FRMD5: variants seen among roughly 807,000 people sequenced by gnomAD.
FRMD5 encodes FERM domain-containing protein 5.
A neutral mutation model predicts 69.0 loss-of-function variants in FRMD5; 20 were observed. The ratio of observed to expected loss-of-function variants is 0.29; its 90% CI spans 0.20 to 0.42. The LOEUF (loss-of-function observed/expected upper bound fraction) is 0.42. FRMD5 is among the 10% of genes least tolerant of loss of function. The pLI, the probability that FRMD5 is intolerant of heterozygous loss-of-function variation, is 1.00. For synonymous variants in FRMD5, 271 were observed against 260.1 expected (o/e 1.04, Z -0.40); for missense variants, 595 against 708.6 (o/e 0.84, Z 1.82).
intron 1 of FRMD5, among the ~76,000 whole-genome samples, chr15:43,969,729 A>G (rs1470964956): frequency 1.3e-5 from 2 of 152,236 alleles, no homozygotes; most frequent in African/African-American, 4.8e-5. Flanking sequence ...AACCAAATCC[A>G]TAAGACTTGC....
At chr15:44,188,106 T>C (rs1053258956) in intron 1 of FRMD5, among the ~76,000 whole-genome samples, 2 of 152,154 alleles carry the variant, frequency 1.3e-5, no homozygotes, top group Non-Finnish European at 2.9e-5. Context: ...TTTCCCCTAG[T>C]GCGTCAAGTT....
chr15:44,197,098 G>A (rs2078315798), upstream of FRMD5, among the ~76,000 whole-genome samples: 1 of 152,168 alleles, frequency 6.6e-6, no homozygotes, highest in Non-Finnish European at 1.5e-5. Context: ...CTACTGGGGA[G>A]GCTGAGGCAG....
chr15:43,971,395 T>C (rs959140578), intron 1 of FRMD5, among the ~76,000 whole-genome samples: 1 of 152,098 alleles, frequency 6.6e-6, no homozygotes, highest in African/African-American at 2.4e-5. Context: ...TACTATTTTT[T>C]CTTTTGTTCA....
intron 1 of FRMD5, among the ~76,000 whole-genome samples, chr15:43,965,162 T>C (rs571038786): frequency 6.6e-6 from 1 of 152,256 alleles, no homozygotes; most frequent in South Asian, 2.1e-4. Context: ...CAAAAGCAAA[T>C]ACAGAGTACA....
intron 1 of FRMD5, among the ~76,000 whole-genome samples, chr15:44,133,358 C>T (rs2077132218): frequency 1.3e-5 from 2 of 151,896 alleles, no homozygotes; most frequent in African/African-American, 4.8e-5. Context: ...AGGCAGATCA[C>T]AAGGTCAGGA....
intron 1 of FRMD5, among the ~76,000 whole-genome samples, chr15:43,963,817 A>G (rs2090246223): frequency 6.6e-6 from 1 of 152,160 alleles, no homozygotes; most frequent in Admixed American, 6.6e-5. Context: ...CAAAAAACCA[A>G]ACACCAGACG....
At chr15:43,945,889 C>T (rs1294843230) in intron 1 of FRMD5, among the ~76,000 whole-genome samples, 1 of 152,068 alleles carries the variant, frequency 6.6e-6, no homozygotes, top group Non-Finnish European at 1.5e-5. Context: ...AACCCTGTCT[C>T]TACTAAAAAT....
intron 1 of FRMD5, among the ~76,000 whole-genome samples, chr15:43,996,502 C>G (rs1223018013): frequency 1.3e-5 from 2 of 152,142 alleles, no homozygotes; most frequent in Non-Finnish European, 2.9e-5. Context: ...TACCTCATTG[C>G]TGTACTCCCT....
intron 1 of FRMD5, among the ~76,000 whole-genome samples, chr15:44,065,773 G>T (rs1339738991): frequency 1.3e-5 from 2 of 152,064 alleles, no homozygotes; most frequent in South Asian, 4.2e-4. Context: ...AACTTTAAAG[G>T]TCAACTTATA....
chr15:44,075,454 A>G (rs746359447), intron 1 of FRMD5, among the ~76,000 whole-genome samples: 13 of 152,180 alleles, frequency 8.5e-5, no homozygotes, highest in Non-Finnish European at 1.5e-4. Flanking sequence ...CATCATTAAA[A>G]AAAAGTTTCC....
intron 1 of FRMD5, among the ~76,000 whole-genome samples, chr15:44,193,911 TC>T (rs1272941242): frequency 6.6e-6 from 1 of 152,226 alleles, no homozygotes; most frequent in African/African-American, 2.4e-5. Context: ...GCCAGAAGCC[TC>T]CTCCTGTTTT....
chr15:43,923,843 T>C (rs1447301553), intron 2 of FRMD5, among the ~76,000 whole-genome samples: 1 of 152,194 alleles, frequency 6.6e-6, no homozygotes, highest in Non-Finnish European at 1.5e-5. Flanking sequence ...TGGTGAGGCC[T>C]TTCCTAACCA....
At chr15:43,953,468 G>A (rs2090068532) in intron 1 of FRMD5, among the ~76,000 whole-genome samples, 1 of 152,226 alleles carries the variant, frequency 6.6e-6, no homozygotes, top group African/African-American at 2.4e-5. Context: ...GCAATGAGAA[G>A]AAGGCTTGGT....
chr15:44,058,785 C>CAAAAAAAAA (rs34213454), intron 1 of FRMD5, among the ~76,000 whole-genome samples: 2 of 122,760 alleles, frequency 1.6e-5, no homozygotes, highest in African/African-American at 3.4e-5. Context: ...GACTCCGTCT[C>CAAAAAAAAA]AAAAAAAAAA....
chr15:43,986,083 T>A (rs563074899), intron 1 of FRMD5, among the ~76,000 whole-genome samples: 4 of 152,322 alleles, frequency 2.6e-5, no homozygotes, highest in African/African-American at 9.6e-5. Context: ...TGTGAGTAAT[T>A]ACATGAAGTA....
chr15:43,989,034 G>A lies in FRMD5; in HGVS notation c.103-64725C>T, dbSNP rs535884132. On this transcript the variant is annotated intron_variant, in intron 1 of 13. Coordinates refer to ENST00000417257, the MANE Select transcript of FRMD5 (RefSeq NM_032892.5). ...GCAAGTTAGGTTTTGTCAAGAAAGG[G>A]TGTAACGCAACTAAGTCACAGTCCG... is the stretch of plus-strand genomic sequence containing the variant. 270 of 826,950 alleles carry A rather than the reference G, an allele frequency of 3.3e-4. 2 individuals carry two copies. The African/African-American group carries it at 4.1e-3, about 12-fold the overall frequency. 51.2% of individuals were successfully genotyped at this position (826,950 alleles called of 1,614,324 possible).
chr15:44,081,728 C>A (rs1383655213), intron 1 of FRMD5, among the ~76,000 whole-genome samples: 1 of 151,930 alleles, frequency 6.6e-6, no homozygotes. Flanking sequence ...CATTTTGGGG[C>A]CATAAATGAA....
At chr15:44,172,439 A>G (rs1315743520) in intron 1 of FRMD5, among the ~76,000 whole-genome samples, 1 of 152,126 alleles carries the variant, frequency 6.6e-6, no homozygotes, top group Non-Finnish European at 1.5e-5. Context: ...CAGAAAACAT[A>G]CATTAAGAGT....
At chr15:44,031,552 T>C (rs890437086) in intron 1 of FRMD5, among the ~76,000 whole-genome samples, 1 of 152,100 alleles carries the variant, frequency 6.6e-6, no homozygotes, top group African/African-American at 2.4e-5. Flanking sequence ...CTTCAACCCC[T>C]TATAAGGTCA....
Sources: gnomAD v4.1 joint callset for allele counts (sites outside exome capture counted in the v4.1 genomes callset) on GRCh38, gnomAD v4.1.1 for gene constraint, MANE v1.5 for transcripts, NCBI Gene and HGNC (gene_info 2026-07-23, HGNC 2026-07-21) for gene names.